SAMD13: variants seen among roughly 807,000 people sequenced by gnomAD.
SAMD13 encodes sterile alpha motif domain containing 13, also known as sterile alpha motif domain-containing protein 13.
In SAMD13, 9 loss-of-function variants were observed where a neutral mutation model predicts 12.4. That is an observed-to-expected ratio of 0.72 (90% CI 0.44 to 1.26). The LOEUF (loss-of-function observed/expected upper bound fraction) is 1.26, where lower values mean the gene tolerates loss of function less well. Ranked by LOEUF, SAMD13 falls within the 50% of genes most tolerant of loss-of-function variation. SAMD13 has a pLI of 0.00. For missense variants in SAMD13, 84 were observed against 119.6 expected (o/e 0.70, Z 1.39); for synonymous variants, 46 against 45.4 (o/e 1.01, Z -0.05).
chr1:84,308,436 C>T (rs1678633152), intron 2 of SAMD13, among the ~76,000 whole-genome samples: 1 of 152,150 alleles, frequency 6.6e-6, no homozygotes, highest in Non-Finnish European at 1.5e-5. Flanking sequence ...CCCTCTCCAG[C>T]CTTGACAATC....
intron 2 of SAMD13, among the ~76,000 whole-genome samples, chr1:84,315,856 T>C (rs1017760409): frequency 2.0e-5 from 3 of 152,168 alleles, no homozygotes; most frequent in Admixed American, 6.6e-5. Context: ...AAGGTTATGA[T>C]TTATTCACAT....
At chr1:84,339,470 C>G (rs752523236) in intron 3 of SAMD13, among the ~76,000 whole-genome samples, 2 of 152,024 alleles carry the variant, frequency 1.3e-5, no homozygotes, top group Non-Finnish European at 2.9e-5. Flanking sequence ...CTTGGCACTT[C>G]TGGGCTGCAT....
At chr1:84,313,442 T>C (rs766238722) in intron 2 of SAMD13, among the ~76,000 whole-genome samples, 3 of 152,202 alleles carry the variant, frequency 2.0e-5, no homozygotes, top group Non-Finnish European at 2.9e-5. Flanking sequence ...AAGATGTATG[T>C]GCATATATAT....
At chr1:84,299,662 T>A, upstream of SAMD13, 2 of 912,156 alleles carry the variant, frequency 2.2e-6, no homozygotes, top group Non-Finnish European at 2.9e-6. Flanking sequence ...CTAGTGTATA[T>A]ATATATATAT....
upstream of SAMD13, among the ~76,000 whole-genome samples, chr1:84,299,310 C>G (rs72714713): frequency 6.6e-6 from 1 of 152,108 alleles, no homozygotes; most frequent in Admixed American, 6.5e-5. Flanking sequence ...ACCGCCTCCC[C>G]TCTCCCTATC....
At chr1:84,345,247 G>A in intron 3 of SAMD13, 1 of 455,846 alleles carries the variant, frequency 2.2e-6, no homozygotes, top group Non-Finnish European at 4.4e-6. Context: ...GAAAAAGACT[G>A]TTTCATGAGA....
chr1:84,345,221 G>A (rs1300747349), intron 3 of SAMD13: 1 of 456,234 alleles, frequency 2.2e-6, no homozygotes, highest in South Asian at 1.5e-5. Context: ...AAGATGTGAG[G>A]GGGAAGAATG....
At chr1:84,314,477 T>C (rs1678786804) in intron 2 of SAMD13, among the ~76,000 whole-genome samples, 1 of 152,190 alleles carries the variant, frequency 6.6e-6, no homozygotes, top group African/African-American at 2.4e-5. Context: ...GCCTCAGATG[T>C]ATCTTCTTTG....
rs114376141 is a variant in SAMD13 at position 84,340,545 on chromosome 1, G to A, written c.166-9086G>A. On this transcript the variant is annotated intron_variant, in intron 3 of 3. Coordinates refer to ENST00000394834, the MANE Select transcript of SAMD13 (RefSeq NM_001134663.2). ...CAATGTGACCATATACTTAAAAATG[G>A]TCAAAATGGCATATTTCATGTTATA... Among the ~76,000 whole-genome samples the A allele has an allele frequency of 8.5e-3, 1,299 of 152,186 alleles. 19 individuals carry two copies. Among genetic ancestry groups the A allele is most frequent in the African/African-American group, 0.03 (1,228 of 41,512 alleles).
chr1:84,309,983 A>AT (rs1678673103), intron 2 of SAMD13, among the ~76,000 whole-genome samples: 1 of 152,104 alleles, frequency 6.6e-6, no homozygotes, highest in African/African-American at 2.4e-5. Flanking sequence ...AGGGTTTGGT[A>AT]TTTTTTCTAG....
At position 84,308,527 on chromosome 1, in the gene SAMD13, T is replaced by C. The variant is rs922964830; in HGVS notation, c.53+5240T>C. Reference sequence around the variant, plus strand: ...TGAGAACCACAGGCTAACTCTTACCTGAGTAATGTGTGACAGGGTTGCTTC... The same window carrying C: ...TGAGAACCACAGGCTAACTCTTACCCGAGTAATGTGTGACAGGGTTGCTTC... On this transcript the variant is annotated intron_variant, in intron 2 of 3. Coordinates refer to ENST00000394834, the MANE Select transcript of SAMD13 (RefSeq NM_001134663.2). 4.6e-5 allele frequency among the ~76,000 whole-genome samples: 7 copies of C among 152,302 alleles called. No individual in the cohort carries two copies. In the East Asian group the frequency reaches 1.3e-3, roughly 29 times the overall value.
At chr1:84,306,042 G>A (rs143470212) in intron 2 of SAMD13, among the ~76,000 whole-genome samples, 2 of 152,066 alleles carry the variant, frequency 1.3e-5, no homozygotes, top group African/African-American at 2.4e-5. Context: ...GACTGGCATT[G>A]CATTGAATTA....
At chr1:84,302,857 C>T (rs1472044505) in intron 1 of SAMD13, among the ~76,000 whole-genome samples, 1 of 152,008 alleles carries the variant, frequency 6.6e-6, no homozygotes, top group Admixed American at 6.5e-5. Flanking sequence ...TTTTTCTCTA[C>T]TTTGACTCAT....
At chr1:84,316,417 A>G (rs1678834507) in intron 2 of SAMD13, among the ~76,000 whole-genome samples, 1 of 152,090 alleles carries the variant, frequency 6.6e-6, no homozygotes, top group Non-Finnish European at 1.5e-5. Flanking sequence ...AAGATAATCC[A>G]GTTTTATTCT....
intron 3 of SAMD13, among the ~76,000 whole-genome samples, chr1:84,328,599 A>G (rs1233878499): frequency 2.0e-5 from 3 of 152,172 alleles, no homozygotes; most frequent in Non-Finnish European, 4.4e-5. Flanking sequence ...CTGCTGTGAT[A>G]TTCATGAGGA....
At chr1:84,334,450 CTTCT>C (rs1679254420) in intron 3 of SAMD13, among the ~76,000 whole-genome samples, 1 of 151,880 alleles carries the variant, frequency 6.6e-6, no homozygotes, top group Non-Finnish European at 1.5e-5. Context: ...TCATTCCTTT[CTTCT>C]TTATTAGTCT....
intron 3 of SAMD13, among the ~76,000 whole-genome samples, chr1:84,334,882 T>A (rs316626): frequency 6.6e-6 from 1 of 152,122 alleles, no homozygotes; most frequent in Non-Finnish European, 1.5e-5. Flanking sequence ...CTTACTGATA[T>A]ATATTTTTAT....
At position 84,331,354 on chromosome 1, in the gene SAMD13, A is replaced by AAAAAAAATAC. The variant is rs553761794; in HGVS notation, c.165+5610_165+5611insAAATACAAAA. 5.9e-3 allele frequency among the ~76,000 whole-genome samples: 490 copies of AAAAAAAATAC among 82,456 alleles called. 95 individuals carry two copies. Among genetic ancestry groups the AAAAAAAATAC allele is most frequent in the Admixed American group, 9.1e-3 (56 of 6,152 alleles). 54.1% of individuals were successfully genotyped at this position (82,456 alleles called of 152,430 possible). On this transcript the variant is annotated intron_variant, in intron 3 of 3. Transcript: ENST00000394834. Reference sequence around the variant, plus strand: ...AAAAAAAAAAAAAAAAAAAAAAAAAAAAAATTATGGATACAAACTTGTTAA... The same window carrying AAAAAAAATAC: ...AAAAAAAAAAAAAAAAAAAAAAAAAAAAAAAAATACAAAATTATGGATACAAACTTGTTAA...
chr1:84,328,046 A>T (rs1422425999), intron 3 of SAMD13, among the ~76,000 whole-genome samples: 3 of 152,228 alleles, frequency 2.0e-5, no homozygotes, highest in Non-Finnish European at 4.4e-5. Flanking sequence ...ATACTTAGCT[A>T]AAAGGTCTCT....
Sources: gnomAD v4.1 joint callset for allele counts (sites outside exome capture counted in the v4.1 genomes callset) on GRCh38, gnomAD v4.1.1 for gene constraint, MANE v1.5 for transcripts, NCBI Gene and HGNC (gene_info 2026-07-23, HGNC 2026-07-21) for gene names.